USP3: variants seen among roughly 807,000 people sequenced by gnomAD.
USP3 encodes the protein ubiquitin carboxyl-terminal hydrolase 3.
Under a neutral mutation model 72.3 loss-of-function variants are expected in USP3, and 20 were observed. The ratio of observed to expected loss-of-function variants is 0.28; its 90% confidence interval spans 0.19 to 0.40. The LOEUF (loss-of-function observed/expected upper bound fraction) is 0.40. Ranked by LOEUF, USP3 falls within the 10% of genes least tolerant of loss-of-function variation. The pLI, the probability that USP3 is intolerant of heterozygous loss-of-function variation, is 1.00. For synonymous variants in USP3, 222 were observed against 225.3 expected (o/e 0.99, Z 0.13); for missense variants, 479 against 633.9 (o/e 0.76, Z 2.62).
chr15:63,556,657 G>C lies in USP3; in HGVS notation c.369-10G>C. 2 of 1,596,530 alleles carry C rather than the reference G, an allele frequency of 1.3e-6. No homozygotes were observed. The highest frequency in any genetic ancestry group is 1.7e-6 in the Non-Finnish European group (2 of 1,172,006). On this transcript the variant is annotated splice_polypyrimidine_tract_variant and intron_variant, in intron 4 of 14. Transcript: ENST00000380324. ...AATAACTTTTTCACTATCTGTTTGT[G>C]TTTTAATAGCTCAGCTTTCACAGCT...
intron 8 of USP3, among the ~76,000 whole-genome samples, chr15:63,568,327 C>A (rs1242694553): frequency 6.6e-6 from 1 of 150,490 alleles, no homozygotes. Context: ...TGCACTCCAG[C>A]CTGACGACAG....
intron 1 of USP3, among the ~76,000 whole-genome samples, chr15:63,510,670 G>C (rs1045020231): frequency 6.6e-6 from 1 of 152,092 alleles, no homozygotes; most frequent in Non-Finnish European, 1.5e-5. Context: ...TTCTCAGTAG[G>C]GGCTAGTACT....
At chr15:63,568,260 CAGG>C (rs1219270235) in intron 8 of USP3, among the ~76,000 whole-genome samples, 1 of 150,844 alleles carries the variant, frequency 6.6e-6, no homozygotes, top group African/African-American at 2.4e-5. Context: ...CTGAGTGAGG[CAGG>C]AGAATCCCTT....
intron 1 of USP3, among the ~76,000 whole-genome samples, chr15:63,530,855 T>C (rs1451724021): frequency 6.6e-6 from 1 of 152,150 alleles, no homozygotes; most frequent in Non-Finnish European, 1.5e-5. Flanking sequence ...AAGCCAGCAG[T>C]CTCCCTCACA....
At chr15:63,535,769 A>G (rs1174078448) in intron 2 of USP3, among the ~76,000 whole-genome samples, 1 of 152,230 alleles carries the variant, frequency 6.6e-6, no homozygotes, top group Admixed American at 6.5e-5. Context: ...GATCCTTCCC[A>G]GTTACGGTAA....
At chr15:63,555,321 C>T (rs528926526) in intron 4 of USP3, among the ~76,000 whole-genome samples, 14 of 151,764 alleles carry the variant, frequency 9.2e-5, no homozygotes, top group Middle Eastern at 3.4e-3. Context: ...ACTTAACTTT[C>T]GACTATTCCG....
chr15:63,558,554 C>T (rs1333543994), intron 6 of USP3, among the ~76,000 whole-genome samples: 1 of 150,832 alleles, frequency 6.6e-6, no homozygotes. Context: ...TCAGATATCC[C>T]CCACCCCCCC....
chr15:63,568,149 C>T (rs2066722350), intron 8 of USP3, among the ~76,000 whole-genome samples: 1 of 151,932 alleles, frequency 6.6e-6, no homozygotes, highest in Non-Finnish European at 1.5e-5. Flanking sequence ...GTCAGGAGAT[C>T]GAGACCATCC....
chr15:63,561,660 C>G (rs1445951179), intron 7 of USP3, among the ~76,000 whole-genome samples: 6 of 152,374 alleles, frequency 3.9e-5, no homozygotes, highest in Admixed American at 3.3e-4. Context: ...TACCTGTGCT[C>G]TGACTGCAAG....
chr15:63,526,847 GGAT>G (rs1595714260), intron 1 of USP3, among the ~76,000 whole-genome samples: 2 of 152,176 alleles, frequency 1.3e-5, no homozygotes, highest in African/African-American at 4.8e-5. Context: ...TATTTATGGG[GGAT>G]GATGATATGA....
intron 1 of USP3, among the ~76,000 whole-genome samples, chr15:63,515,210 A>T (rs896959634): frequency 3.3e-5 from 5 of 152,254 alleles, no homozygotes; most frequent in African/African-American, 1.2e-4. Context: ...CAAGAGTGGC[A>T]TAATAGCTTC....
At chr15:63,571,715 G>A (rs1229501577) in intron 9 of USP3, among the ~76,000 whole-genome samples, 1 of 152,170 alleles carries the variant, frequency 6.6e-6, no homozygotes, top group East Asian at 1.9e-4. Context: ...GCACCCTGTG[G>A]AATCACACTG....
intron 1 of USP3, chr15:63,530,595 G>A (rs1004431778): frequency 6.9e-6 from 3 of 436,028 alleles, no homozygotes; most frequent in Non-Finnish European, 1.4e-5. Context: ...CTACAGGCAC[G>A]TACCAGTGCA....
At chr15:63,548,337 T>C (rs983332080) in intron 3 of USP3, among the ~76,000 whole-genome samples, 20 of 151,154 alleles carry the variant, frequency 1.3e-4, no homozygotes, top group Admixed American at 4.6e-4. Context: ...TTTGTTTTTT[T>C]TGGGGGGGGA....
chr15:63,522,227 G>C (rs1241338905), intron 1 of USP3, among the ~76,000 whole-genome samples: 2 of 152,212 alleles, frequency 1.3e-5, no homozygotes, highest in African/African-American at 4.8e-5. Context: ...GTGAACATTG[G>C]AGTAGAAGGG....
intron 14 of USP3, 125 bp from the exon 15 acceptor site, chr15:63,590,536 C>T: frequency 4.2e-6 from 4 of 950,772 alleles, no homozygotes; most frequent in Non-Finnish European, 4.3e-6. Flanking sequence ...ATTAATTTAA[C>T]AAGCATCTTA....
At chr15:63,511,235 A>G (rs530677445) in intron 1 of USP3, among the ~76,000 whole-genome samples, 3 of 97,492 alleles carry the variant, frequency 3.1e-5, no homozygotes, top group East Asian at 7.7e-4. Context: ...TTAAACTCTA[A>G]CACTGTTCAG....
Position 63,570,437 on chromosome 15 carries a change from T to C in USP3, c.766T>C (p.Tyr256His). ...GTGACTGTTTGTTTGCTTTAGGGGC[T>C]ATCAACAGCAGGACGCCCATGAATT... ...VWKIMPNFRG[Y>H]QQQDAHEFMR... is the part of the protein sequence containing the mutation. Residue 256 changes from tyrosine (Y) to histidine (H), a missense_variant, in exon 9 of 15, where the codon TAT becomes CAT. Physicochemically the swap from Tyr to His is moderately conservative, Grantham distance 83 (BLOSUM62 2). Transcript: ENST00000380324. The surrounding 1 kb of genome is among the most constrained non-coding windows in gnomAD (Gnocchi z 4.4). 1 of 1,614,150 alleles carries C rather than the reference T, an allele frequency of 6.2e-7. No homozygotes were observed. The highest frequency in any genetic ancestry group is 8.5e-7 in the Non-Finnish European group (1 of 1,180,038).
At chr15:63,589,495 C>T (rs1002098412) in intron 14 of USP3, among the ~76,000 whole-genome samples, 5 of 152,142 alleles carry the variant, frequency 3.3e-5, no homozygotes, top group African/African-American at 7.2e-5. Context: ...TGTGGGCAGA[C>T]GACTATCCAT....
Sources: gnomAD v4.1 joint callset for allele counts (sites outside exome capture counted in the v4.1 genomes callset) on GRCh38, gnomAD v4.1.1 for gene constraint, Gnocchi (gnomAD v3.1) non-coding constraint, MANE v1.5 for transcripts, NCBI Gene and HGNC (gene_info 2026-07-23, HGNC 2026-07-21) for gene names.